The following WBP4 variants were observed in gnomAD, a reference collection of about 807,000 sequenced individuals.
WBP4 encodes the protein WW domain-binding protein 4.
A neutral mutation model predicts 55.4 loss-of-function variants in WBP4; 37 were observed. That is an observed-to-expected ratio of 0.67 (90% CI 0.51 to 0.88). The LOEUF is 0.88. Ranked by LOEUF, WBP4 falls within the 40% of genes least tolerant of loss-of-function variation. The pLI, the probability that WBP4 is intolerant of heterozygous loss-of-function variation, is 0.00. For synonymous variants in WBP4, 142 were observed against 140.2 expected (o/e 1.01, Z -0.09); for missense variants, 398 against 420.8 (o/e 0.95, Z 0.47).
At position 41,071,537 on chromosome 13, in the gene WBP4, G is replaced by A. The variant is rs1878245720; in HGVS notation, c.450G>A (p.Trp150Ter). The change falls in exon 6 of 10, where the codon TGG becomes TGA. Residue 150 changes from tryptophan to a stop codon, truncating the protein, a stop_gained. Coordinates refer to ENST00000379487, the MANE Select transcript of WBP4 (RefSeq NM_007187.5). LOFTEE classifies it high-confidence loss of function. ...ATATTTTGCTTTAAGCATCTCAGTG[G>A]GAGAAACCTGAAGGATTTCAAGGAG... ...YYDLISGASQ[W>*]EKPEGFQGDL... 6.2e-7 allele frequency: 1 copy of A among 1,606,462 alleles called. No homozygotes were observed. Among genetic ancestry groups the A allele is most frequent in the African/African-American group, 1.3e-5 (1 of 74,538 alleles).
chr13:41,070,721 A>T (rs988517686), intron 5 of WBP4, among the ~76,000 whole-genome samples: 7 of 152,080 alleles, frequency 4.6e-5, no homozygotes, highest in African/African-American at 1.7e-4. Flanking sequence ...AAGCAGAGAG[A>T]ATAGAGCAAG....
At chr13:41,062,098 T>G (rs1174478798) in intron 1 of WBP4, 5 of 412,954 alleles carry the variant, frequency 1.2e-5, no homozygotes, top group Non-Finnish European at 1.5e-5. Context: ...GCGTAATGGT[T>G]TTTTTTTTTT....
chr13:41,076,020 A>G (rs913110221), intron 7 of WBP4, 24 bp from the exon 8 acceptor site: 4 of 1,598,732 alleles, frequency 2.5e-6, no homozygotes, highest in Non-Finnish European at 2.6e-6. Flanking sequence ...ACTAAATAAC[A>G]TGACTTTAAA....
chr13:41,065,666 T>G (rs1877941103), intron 4 of WBP4, among the ~76,000 whole-genome samples: 1 of 152,190 alleles, frequency 6.6e-6, no homozygotes, highest in South Asian at 2.1e-4. Flanking sequence ...ACTGTGTCCA[T>G]ATGGTGAAAA....
intron 2 of WBP4, among the ~76,000 whole-genome samples, chr13:41,064,462 C>G (rs1393094209): frequency 6.6e-6 from 1 of 152,082 alleles, no homozygotes; most frequent in Non-Finnish European, 1.5e-5. Context: ...TAGATATTGC[C>G]AAATTATCCT....
chr13:41,061,676 G>C lies in WBP4; in HGVS notation c.2+1G>C, dbSNP rs1877645384. On this transcript the variant is annotated splice_donor_variant, in intron 1 of 9. Transcript: ENST00000379487. LOFTEE classifies it high-confidence loss of function. ...CTTGCAGAGCGGCTGGCGCAGTCAT[G>C]TGAGTTGGGTCTCAGGCCCTGAACA... 1 of 1,614,096 alleles carries C rather than the reference G, an allele frequency of 6.2e-7. No individual in the cohort carries two copies. The highest frequency in any genetic ancestry group is 8.5e-7 in the Non-Finnish European group (1 of 1,180,028).
intron 7 of WBP4, among the ~76,000 whole-genome samples, chr13:41,073,814 TAAAAAA>T (rs1878356546): frequency 6.6e-6 from 1 of 151,418 alleles, no homozygotes; most frequent in Non-Finnish European, 1.5e-5. Flanking sequence ...CAAAATAAAA[TAAAAAA>T]TAAAACTGAA....
intron 6 of WBP4, 140 bp from the exon 7 acceptor site, chr13:41,072,642 A>G (rs990892606): frequency 1.5e-6 from 1 of 669,172 alleles, no homozygotes; most frequent in South Asian, 1.9e-5. Context: ...ACAAGTCTAC[A>G]TGAGATTTGG....
intron 1 of WBP4, chr13:41,062,104 T>G (rs1227220132): frequency 2.0e-5 from 19 of 937,836 alleles, no homozygotes; most frequent in East Asian, 1.2e-4. Context: ...TGGTTTTTTT[T>G]TTTTTTTTTT....
intron 2 of WBP4, among the ~76,000 whole-genome samples, chr13:41,063,235 C>T (rs891640144): frequency 6.6e-6 from 1 of 152,102 alleles, no homozygotes; most frequent in African/African-American, 2.4e-5. Flanking sequence ...AGTTGAGATC[C>T]AGTTTTGAAG....
At chr13:41,062,100 T>G (rs970451809) in intron 1 of WBP4, 15 of 711,632 alleles carry the variant, frequency 2.1e-5, no homozygotes, top group East Asian at 1.5e-4. Context: ...GTAATGGTTT[T>G]TTTTTTTTTT....
intron 1 of WBP4, 115 bp from the exon 2 acceptor site, chr13:41,062,524 TAACAA>T (rs1877733624): frequency 2.2e-6 from 2 of 909,788 alleles, no homozygotes; most frequent in Non-Finnish European, 3.2e-6. Context: ...CGACTATACA[TAACAA>T]GACAAGATTC....
At chr13:41,075,880 C>G (rs1027810795) in intron 7 of WBP4, among the ~76,000 whole-genome samples, 164 bp from the exon 8 acceptor site, 1 of 152,050 alleles carries the variant, frequency 6.6e-6, no homozygotes, top group Non-Finnish European at 1.5e-5. Flanking sequence ...CTGAAAGATA[C>G]AAGAGCAAGA....
intron 5 of WBP4, among the ~76,000 whole-genome samples, chr13:41,070,725 G>A (rs1182230247): frequency 6.6e-6 from 1 of 152,042 alleles, no homozygotes; most frequent in Non-Finnish European, 1.5e-5. Context: ...AGAGAGAATA[G>A]AGCAAGAAGT....
At chr13:41,064,919 T>G in intron 2 of WBP4, 97 bp from the exon 3 acceptor site, 1 of 1,158,676 alleles carries the variant, frequency 8.6e-7, no homozygotes, top group Non-Finnish European at 1.2e-6. Context: ...TTCATTTTAA[T>G]TTTAATTTTC....
At chr13:41,078,033 G>A (rs909875560) in intron 8 of WBP4, among the ~76,000 whole-genome samples, 2 of 152,154 alleles carry the variant, frequency 1.3e-5, no homozygotes, top group Non-Finnish European at 2.9e-5. Flanking sequence ...CTTCTGGATT[G>A]GAAGAATCAA....
At chr13:41,080,183 AC>A (rs1878706138) in intron 8 of WBP4, among the ~76,000 whole-genome samples, 1 of 152,218 alleles carries the variant, frequency 6.6e-6, no homozygotes, top group African/African-American at 2.4e-5. Flanking sequence ...TGTAAGAAAT[AC>A]GCATTTGTGC....
intron 9 of WBP4, among the ~76,000 whole-genome samples, chr13:41,081,477 A>C (rs1281300872): frequency 7.2e-6 from 1 of 139,550 alleles, no homozygotes; most frequent in African/African-American, 2.7e-5. Context: ...CAGCCTGGGC[A>C]ACAGAGTAGG....
At position 41,061,515 on chromosome 13, in the gene WBP4, GGGAACAGCGGAACGCTGGTCC is replaced by G. The variant is rs1877631211; in HGVS notation, c.-158_-138del. The G allele has an allele frequency of 1.7e-6, 2 of 1,152,806 alleles. No homozygotes were observed. The highest frequency in any genetic ancestry group is 2.5e-6 in the Non-Finnish European group (2 of 797,448). The allele number at this position is 1,152,806 out of a possible 1,614,324, so 71.4% of individuals were successfully genotyped here. ...TTGGATCGTCTGGGCACCCGTAGTT[GGGAACAGCGGAACGCTGGTCC>G]CGGGGACTGAGTAAGGTGTCTGGAT... On this transcript the variant is annotated 5_prime_UTR_variant, in exon 1 of 10. Coordinates refer to ENST00000379487, the MANE Select transcript of WBP4 (RefSeq NM_007187.5).
Sources: gnomAD v4.1 joint callset for allele counts (sites outside exome capture counted in the v4.1 genomes callset) on GRCh38, gnomAD v4.1.1 for gene constraint, MANE v1.5 for transcripts, NCBI Gene and HGNC (gene_info 2026-07-23, HGNC 2026-07-21) for gene names.